Variants in GPHN observed in about 807,000 individuals in gnomAD.
The protein encoded by GPHN is gephyrin.
In GPHN, 17 loss-of-function variants were observed where a neutral mutation model predicts 95.5. The observed-to-expected ratio is 0.18, with a 90% CI of 0.12 to 0.27. GPHN has a LOEUF of 0.27. GPHN is among the 10% of genes least tolerant of loss of function. The probability of loss-of-function intolerance (pLI) is 1.00; values close to 1 mark genes in which losing one functional copy is unlikely to be tolerated. For missense variants in GPHN, 660 were observed against 978.1 expected, an observed-to-expected ratio of 0.67 and a Z score of 4.34; for synonymous variants, 320 against 322.5, an observed-to-expected ratio of 0.99 and a Z score of 0.08.
chr14:67,225,931 G>GTGTGTGTGTC, the GPHN span, among the ~76,000 whole-genome samples: 1 of 112,538 alleles, frequency 8.9e-6, no homozygotes, highest in African/African-American at 5.8e-5. Flanking sequence ...CTGTGAGTGT[G>GTGTGTGTGTC]TGTGTGTGTG....
At chr14:67,247,932 A>G in the GPHN span, among the ~76,000 whole-genome samples, 1 of 152,150 alleles carries the variant, frequency 6.6e-6, no homozygotes, top group Non-Finnish European at 1.5e-5. Context: ...TTAAAAAATG[A>G]TATTAGCTGT....
the GPHN span, among the ~76,000 whole-genome samples, chr14:67,482,050 G>A: frequency 1.3e-5 from 2 of 152,196 alleles, no homozygotes; most frequent in Non-Finnish European, 2.9e-5. Flanking sequence ...ATTCAAATCC[G>A]AGAGTCCTCA....
the GPHN span, among the ~76,000 whole-genome samples, chr14:67,544,627 GAA>G: frequency 1.3e-5 from 2 of 152,298 alleles, no homozygotes; most frequent in African/African-American, 4.8e-5. Context: ...ACGTAACAAA[GAA>G]AATGAAAGCA....
chr14:67,335,770 C>T, the GPHN span: 2 of 152,632 alleles, frequency 1.3e-5, no homozygotes, highest in African/African-American at 4.8e-5. Flanking sequence ...ATACTGTACA[C>T]TGTATTGTAA....
intron 1 of GPHN, among the ~76,000 whole-genome samples, chr14:66,578,727 A>G (rs547561108): frequency 3.0e-4 from 46 of 151,314 alleles, no homozygotes; most frequent in Non-Finnish European, 2.2e-4. Context: ...CAGGAACCAT[A>G]AAGTTGTCCC....
chr14:67,281,806 CT>C, the GPHN span, among the ~76,000 whole-genome samples: 1 of 141,130 alleles, frequency 7.1e-6, no homozygotes, highest in African/African-American at 3.0e-5. Context: ...CATCATTTCT[CT>C]TAATTTTTTT....
chr14:66,797,660 T>G (rs1268873651), intron 3 of GPHN, among the ~76,000 whole-genome samples: 1 of 152,004 alleles, frequency 6.6e-6, no homozygotes, highest in Non-Finnish European at 1.5e-5. Flanking sequence ...ATGCTACTGA[T>G]TTTTGTATGT....
chr14:66,674,573 T>G (rs2066483494), intron 1 of GPHN, among the ~76,000 whole-genome samples: 1 of 152,236 alleles, frequency 6.6e-6, no homozygotes, highest in African/African-American at 2.4e-5. Flanking sequence ...TATTTATCTC[T>G]CTGACTTATT....
At chr14:67,604,168 A>G in the GPHN span, among the ~76,000 whole-genome samples, 4 of 152,152 alleles carry the variant, frequency 2.6e-5, no homozygotes, top group Non-Finnish European at 4.4e-5. Flanking sequence ...ACTGGGATGG[A>G]TAGGCAAAGA....
At chr14:67,471,562 A>G in the GPHN span, 5 of 152,186 alleles carry the variant, frequency 3.3e-5, no homozygotes, top group African/African-American at 1.2e-4. Flanking sequence ...TGGGGCCACA[A>G]TAAAATCAAA....
intron 5 of GPHN, among the ~76,000 whole-genome samples, chr14:66,898,447 T>A (rs2064969715): frequency 7.1e-6 from 1 of 140,870 alleles, no homozygotes; most frequent in South Asian, 2.3e-4. Context: ...AACGACCACT[T>A]GCTCCAGTGC....
At chr14:67,549,423 A>C in the GPHN span, among the ~76,000 whole-genome samples, 15 of 152,120 alleles carry the variant, frequency 9.9e-5, no homozygotes, top group African/African-American at 3.6e-4. Flanking sequence ...GGCACATGCC[A>C]CCACGCCCAG....
chr14:67,605,771 C>G, the GPHN span, among the ~76,000 whole-genome samples: 1 of 152,072 alleles, frequency 6.6e-6, no homozygotes, highest in Admixed American at 6.6e-5. Context: ...CAACCTCTGC[C>G]TCCTGGGATC....
chr14:66,662,693 C>T (rs1041686172), intron 1 of GPHN, among the ~76,000 whole-genome samples: 1 of 152,180 alleles, frequency 6.6e-6, no homozygotes, highest in Non-Finnish European at 1.5e-5. Flanking sequence ...TACAGCTGCA[C>T]CTTCTAACTC....
intron 2 of GPHN, among the ~76,000 whole-genome samples, chr14:66,735,083 C>T (rs2072136506): frequency 6.6e-6 from 1 of 151,998 alleles, no homozygotes; most frequent in South Asian, 2.1e-4. Flanking sequence ...CCATGAAAAC[C>T]AACAAGTCTT....
At chr14:66,572,588 G>A (rs1205131220) in intron 1 of GPHN, among the ~76,000 whole-genome samples, 3 of 151,556 alleles carry the variant, frequency 2.0e-5, no homozygotes, top group Non-Finnish European at 4.4e-5. Context: ...GTATAGAAAT[G>A]CTACTGATAT....
intron 2 of GPHN, among the ~76,000 whole-genome samples, chr14:66,751,530 A>G (rs779707564): frequency 3.3e-5 from 5 of 151,972 alleles, no homozygotes; most frequent in Non-Finnish European, 7.4e-5. Context: ...CCACTTATTA[A>G]TGGGGTTGTT....
chr14:66,955,022 GTTAAGGATAC>G (rs2068392191), intron 8 of GPHN, among the ~76,000 whole-genome samples: 2 of 152,050 alleles, frequency 1.3e-5, no homozygotes, highest in Non-Finnish European at 2.9e-5. Context: ...CTAGTATTTT[GTTAAGGATAC>G]TTGCATCTAT....
chr14:66,723,738 T>G (rs983714132), intron 2 of GPHN, among the ~76,000 whole-genome samples: 6 of 152,190 alleles, frequency 3.9e-5, no homozygotes, highest in African/African-American at 1.4e-4. Context: ...TTATGTTTAA[T>G]GCTGACAACT....
Sources: allele counts gnomAD v4.1 joint callset (sites outside exome capture counted in the v4.1 genomes callset), GRCh38; gene constraint gnomAD v4.1.1; transcripts MANE v1.5; gene names NCBI Gene and HGNC (gene_info 2026-07-23, HGNC 2026-07-21).